Variants in FRMD5 observed in about 807,000 individuals in gnomAD.
FRMD5 encodes the protein FERM domain-containing protein 5.
A neutral mutation model predicts 69.0 loss-of-function variants in FRMD5; 20 were observed. That is an observed-to-expected ratio of 0.29 (90% CI 0.20 to 0.42). The LOEUF (loss-of-function observed/expected upper bound fraction) is 0.42, where lower values mean the gene tolerates loss of function less well. Among genes scored for constraint, FRMD5 ranks in the 10% least tolerant of loss-of-function variants. The pLI is 1.00. For missense variants in FRMD5, 595 were observed against 708.6 expected (o/e 0.84, Z 1.82); for synonymous variants, 271 against 260.1 (o/e 1.04, Z -0.40).
chr15:43,968,416 T>G (rs1464178327), intron 1 of FRMD5, among the ~76,000 whole-genome samples: 1 of 152,216 alleles, frequency 6.6e-6, no homozygotes, highest in East Asian at 1.9e-4. Flanking sequence ...ATGTGAGAAG[T>G]TGAAGAGCAA....
chr15:43,977,085 C>CA (rs1220898227), intron 1 of FRMD5, among the ~76,000 whole-genome samples: 1 of 152,090 alleles, frequency 6.6e-6, no homozygotes, highest in Non-Finnish European at 1.5e-5. Context: ...ACAGCTGCCT[C>CA]AGCCTCCCAA....
intron 1 of FRMD5, among the ~76,000 whole-genome samples, chr15:44,095,678 C>T (rs1243568697): frequency 1.3e-5 from 2 of 152,166 alleles, no homozygotes; most frequent in African/African-American, 4.8e-5. Flanking sequence ...AATGTACCCC[C>T]TGCAGCAGGA....
At chr15:44,076,667 A>G (rs916222506) in intron 1 of FRMD5, among the ~76,000 whole-genome samples, 24 of 148,408 alleles carry the variant, frequency 1.6e-4, no homozygotes, top group Admixed American at 3.3e-4. Context: ...AGATATACCT[A>G]ATGCTAGATG....
upstream of FRMD5, among the ~76,000 whole-genome samples, chr15:44,197,298 T>A (rs2078319895): frequency 6.6e-6 from 1 of 152,088 alleles, no homozygotes; most frequent in South Asian, 2.1e-4. Context: ...AACTCAAAAT[T>A]TCAGGAAGAT....
At chr15:44,081,393 G>C (rs1289001758) in intron 1 of FRMD5, among the ~76,000 whole-genome samples, 2 of 152,068 alleles carry the variant, frequency 1.3e-5, no homozygotes, top group Admixed American at 6.6e-5. Flanking sequence ...TACACATACA[G>C]AAAGAAAAGC....
intron 1 of FRMD5, among the ~76,000 whole-genome samples, chr15:44,187,567 ATTTT>A (rs34597404): frequency 1.4e-5 from 2 of 145,420 alleles, no homozygotes; most frequent in Admixed American, 6.9e-5. Flanking sequence ...GCTTTTGGCA[ATTTT>A]TTTTTTTTTT....
At chr15:44,127,131 T>A (rs1043761692) in intron 1 of FRMD5, among the ~76,000 whole-genome samples, 1 of 152,318 alleles carries the variant, frequency 6.6e-6, no homozygotes, top group Non-Finnish European at 1.5e-5. Flanking sequence ...CGCCCAGGCT[T>A]GAGTGCAGTG....
intron 4 of FRMD5, among the ~76,000 whole-genome samples, chr15:43,918,164 G>A (rs1595517379): frequency 6.6e-6 from 1 of 152,190 alleles, no homozygotes; most frequent in Non-Finnish European, 1.5e-5. Context: ...GGTGGCTCAT[G>A]CCTGTAATCC....
intron 1 of FRMD5, among the ~76,000 whole-genome samples, chr15:44,028,264 C>G (rs940351327): frequency 6.6e-6 from 1 of 152,038 alleles, no homozygotes; most frequent in East Asian, 1.9e-4. Flanking sequence ...ATATTCCATC[C>G]AACTATAACT....
At chr15:43,975,730 T>G (rs557786591) in intron 1 of FRMD5, among the ~76,000 whole-genome samples, 1 of 152,234 alleles carries the variant, frequency 6.6e-6, no homozygotes, top group Non-Finnish European at 1.5e-5. Flanking sequence ...CAATCTCAAT[T>G]AAAATCCCAG....
chr15:44,143,425 T>C (rs1458885648), intron 1 of FRMD5, among the ~76,000 whole-genome samples: 1 of 151,880 alleles, frequency 6.6e-6, no homozygotes, highest in Non-Finnish European at 1.5e-5. Flanking sequence ...TACAAAGACA[T>C]TGTATATAAG....
intron 1 of FRMD5, among the ~76,000 whole-genome samples, chr15:44,157,402 T>C (rs1404744774): frequency 6.6e-6 from 1 of 152,208 alleles, no homozygotes; most frequent in East Asian, 1.9e-4. Context: ...TTAAATAACT[T>C]TGGGTCATGT....
At chr15:44,110,653 C>T (rs1331369277) in intron 1 of FRMD5, among the ~76,000 whole-genome samples, 3 of 152,168 alleles carry the variant, frequency 2.0e-5, no homozygotes, top group Non-Finnish European at 4.4e-5. Flanking sequence ...CCATTATAAT[C>T]CATCTCTAGC....
intron 1 of FRMD5, among the ~76,000 whole-genome samples, chr15:43,952,728 C>T (rs2090056082): frequency 6.6e-6 from 1 of 152,244 alleles, no homozygotes; most frequent in Non-Finnish European, 1.5e-5. Context: ...GGCCAGTATG[C>T]AGCCATGCGG....
At chr15:44,063,651 C>T (rs911871857) in intron 1 of FRMD5, 2 of 456,692 alleles carry the variant, frequency 4.4e-6, no homozygotes, top group Admixed American at 2.5e-5. Context: ...TCTACATGTT[C>T]TAGTATGATT....
At chr15:43,895,716 G>A (rs986026523) in intron 7 of FRMD5, among the ~76,000 whole-genome samples, 5 of 152,184 alleles carry the variant, frequency 3.3e-5, no homozygotes, top group Non-Finnish European at 7.3e-5. Flanking sequence ...CCCGGTATCC[G>A]CAGGGGCAGA....
Position 43,901,964 on chromosome 15 carries a change from C to G in FRMD5, c.639+211G>C, listed in dbSNP as rs1437639212. 1.7e-5 allele frequency: 9 copies of G among 535,584 alleles called. No homozygotes were observed. In the African/African-American group the frequency reaches 1.7e-4, roughly 10 times the overall value. 33.2% of individuals were successfully genotyped at this position (535,584 alleles called of 1,614,324 possible). On this transcript the variant is annotated intron_variant, in intron 7 of 13. Coordinates refer to ENST00000417257, the MANE Select transcript of FRMD5 (RefSeq NM_032892.5). ...GATTTGTTATTTAGATTGACTTTGC[C>G]TCGGTTCCTCTGACATTGATGTGGC...
At chr15:43,928,502 C>G (rs1293207058) in intron 1 of FRMD5, among the ~76,000 whole-genome samples, 3 of 152,190 alleles carry the variant, frequency 2.0e-5, no homozygotes, top group African/African-American at 7.2e-5. Flanking sequence ...AAATCACATG[C>G]AGCTGAACCA....
At chr15:43,977,160 G>A (rs1027281970) in intron 1 of FRMD5, among the ~76,000 whole-genome samples, 11 of 152,108 alleles carry the variant, frequency 7.2e-5, no homozygotes, top group African/African-American at 2.2e-4. Context: ...ATAGGGGAGG[G>A]GTTGGGGAAG....
Sources: allele counts gnomAD v4.1 joint callset (sites outside exome capture counted in the v4.1 genomes callset), GRCh38; gene constraint gnomAD v4.1.1; transcripts MANE v1.5; gene names NCBI Gene and HGNC (gene_info 2026-07-23, HGNC 2026-07-21).